The following CCSER1 variants were observed in gnomAD, a reference collection of about 807,000 sequenced individuals.
CCSER1 encodes serine-rich coiled-coil domain-containing protein 1.
CCSER1 carries 41 observed loss-of-function variants against 82.0 expected under a neutral mutation model. The ratio of observed to expected loss-of-function variants is 0.50; its 90% confidence interval spans 0.39 to 0.65. CCSER1 has a LOEUF of 0.65. Ranked by LOEUF, CCSER1 falls within the 30% of genes least tolerant of loss-of-function variation. CCSER1 has a pLI of 0.00. For missense variants in CCSER1, 1,119 were observed against 1,064.2 expected (o/e 1.05, Z -0.72); for synonymous variants, 414 against 383.9 (o/e 1.08, Z -0.92).
At chr4:90,899,286 T>C (rs961314041) in intron 8 of CCSER1, among the ~76,000 whole-genome samples, 2 of 152,148 alleles carry the variant, frequency 1.3e-5, no homozygotes, top group African/African-American at 4.8e-5. Flanking sequence ...TACAATTGAT[T>C]TTGGGTACAT....
intron 3 of CCSER1, among the ~76,000 whole-genome samples, chr4:90,385,333 T>G (rs946135490): frequency 3.3e-5 from 5 of 152,152 alleles, no homozygotes; most frequent in African/African-American, 1.2e-4. Flanking sequence ...TTGTACTAAT[T>G]TACATTCCCA....
intron 1 of CCSER1, among the ~76,000 whole-genome samples, chr4:90,207,200 T>C (rs539854989): frequency 6.6e-6 from 1 of 152,060 alleles, no homozygotes; most frequent in Non-Finnish European, 1.5e-5. Context: ...AAGGTTAATA[T>C]TGTTATGTGT....
At chr4:90,750,280 G>C (rs2149480334) in intron 7 of CCSER1, among the ~76,000 whole-genome samples, 1 of 152,248 alleles carries the variant, frequency 6.6e-6, no homozygotes, top group Non-Finnish European at 1.5e-5. Flanking sequence ...TTGCTGTGCA[G>C]AAGCTCTTTA....
At chr4:90,392,428 G>A in intron 3 of CCSER1, among the ~76,000 whole-genome samples, 1 of 152,052 alleles carries the variant, frequency 6.6e-6, no homozygotes, top group Admixed American at 6.5e-5. Context: ...TATTTTAGTA[G>A]TGTGCTACTT....
chr4:90,965,204 A>G (rs181681379), intron 9 of CCSER1, among the ~76,000 whole-genome samples: 53 of 152,244 alleles, frequency 3.5e-4, no homozygotes, highest in Non-Finnish European at 8.8e-5. Context: ...TGAGGCAGTG[A>G]TACAAGTTGG....
intron 6 of CCSER1, among the ~76,000 whole-genome samples, chr4:90,695,527 A>G (rs1220895695): frequency 6.6e-6 from 1 of 152,018 alleles, no homozygotes; most frequent in Non-Finnish European, 1.5e-5. Context: ...TGTCAGACCT[A>G]GAAAGGAGTA....
chr4:90,760,858 G>T (rs1354381752), intron 7 of CCSER1, among the ~76,000 whole-genome samples: 1 of 151,908 alleles, frequency 6.6e-6, no homozygotes, highest in Non-Finnish European at 1.5e-5. Flanking sequence ...TCTGTTTTTT[G>T]GCATATACAG....
At chr4:90,510,238 T>C (rs1771301707) in intron 5 of CCSER1, among the ~76,000 whole-genome samples, 1 of 152,186 alleles carries the variant, frequency 6.6e-6, no homozygotes, top group Admixed American at 6.5e-5. Flanking sequence ...TAGGTATTTA[T>C]TGCTTTTTAA....
At chr4:90,956,417 T>C (rs569640561) in intron 9 of CCSER1, among the ~76,000 whole-genome samples, 3 of 152,250 alleles carry the variant, frequency 2.0e-5, no homozygotes, top group South Asian at 2.1e-4. Context: ...TATGAAATAC[T>C]ATGTGGGTGG....
chr4:90,498,415 C>T (rs1769352428), intron 5 of CCSER1, among the ~76,000 whole-genome samples: 1 of 152,050 alleles, frequency 6.6e-6, no homozygotes, highest in South Asian at 2.1e-4. Flanking sequence ...TAAGTGTAGA[C>T]TACTGTATAA....
intron 10 of CCSER1, among the ~76,000 whole-genome samples, chr4:91,140,808 TA>T (rs1728952600): frequency 6.6e-6 from 1 of 152,180 alleles, no homozygotes; most frequent in South Asian, 2.1e-4. Context: ...TATTACTTTT[TA>T]AATTTCAACT....
intron 10 of CCSER1, among the ~76,000 whole-genome samples, chr4:91,370,857 A>G (rs1749990015): frequency 1.3e-5 from 2 of 152,074 alleles, no homozygotes; most frequent in African/African-American, 4.8e-5. Context: ...TGTTACAAGC[A>G]TTCAAATTAT....
intron 3 of CCSER1, chr4:90,369,997 A>G (rs951198846): frequency 6.6e-6 from 1 of 152,114 alleles, no homozygotes; most frequent in East Asian, 1.9e-4. Context: ...TAGGAGTTTT[A>G]CCTAACAATT....
intron 10 of CCSER1, among the ~76,000 whole-genome samples, chr4:91,275,767 T>G (rs538387433): frequency 6.6e-6 from 1 of 152,188 alleles, no homozygotes; most frequent in Non-Finnish European, 1.5e-5. Flanking sequence ...CTTCTATGTT[T>G]TCTTTTAGCA....
chr4:90,503,833 A>G (rs1326745026), intron 5 of CCSER1, among the ~76,000 whole-genome samples: 2 of 152,086 alleles, frequency 1.3e-5, no homozygotes, highest in African/African-American at 4.8e-5. Flanking sequence ...ATAATTTTTA[A>G]AATAAGCTCC....
intron 1 of CCSER1, among the ~76,000 whole-genome samples, chr4:90,287,332 A>G (rs1730085110): frequency 2.6e-5 from 4 of 152,048 alleles, no homozygotes; most frequent in Admixed American, 6.6e-5. Context: ...TAAATAGCCA[A>G]TGATTGAAAC....
chr4:91,578,930 A>G (rs1224598437), intron 10 of CCSER1, among the ~76,000 whole-genome samples: 1 of 151,810 alleles, frequency 6.6e-6, no homozygotes, highest in Non-Finnish European at 1.5e-5. Flanking sequence ...TCATCCATCC[A>G]TATCTGCTTG....
intron 3 of CCSER1, among the ~76,000 whole-genome samples, chr4:90,383,346 C>G (rs184882893): frequency 6.6e-6 from 1 of 152,054 alleles, no homozygotes; most frequent in Non-Finnish European, 1.5e-5. Flanking sequence ...ATGAATAATA[C>G]GATCAACTTT....
intron 1 of CCSER1, among the ~76,000 whole-genome samples, chr4:90,138,084 A>G (rs1399856843): frequency 6.6e-6 from 1 of 152,146 alleles, no homozygotes; most frequent in Non-Finnish European, 1.5e-5. Flanking sequence ...ATTTTATTTT[A>G]TTCTCTTTCC....
Sources: gnomAD v4.1 joint callset for allele counts (sites outside exome capture counted in the v4.1 genomes callset) on GRCh38, gnomAD v4.1.1 for gene constraint, MANE v1.5 for transcripts, NCBI Gene and HGNC (gene_info 2026-07-23, HGNC 2026-07-21) for gene names.